Variants in GON7 observed in about 807,000 individuals in gnomAD.
GON7 encodes GON7 subunit of KEOPS complex.
GON7 carries 2 observed loss-of-function variants against 7.6 expected under a neutral mutation model. The observed-to-expected ratio is 0.26, with a 90% CI of 0.11 to 0.83. The LOEUF (loss-of-function observed/expected upper bound fraction) is 0.83, where lower values mean the gene tolerates loss of function less well. Among genes scored for constraint, GON7 ranks in the 40% least tolerant of loss-of-function variants. The pLI, the probability that GON7 is intolerant of heterozygous loss-of-function variation, is 0.65. For synonymous variants in GON7, 54 were observed against 56.6 expected, an observed-to-expected ratio of 0.95 and a Z score of 0.20; for missense variants, 121 against 132.2, an observed-to-expected ratio of 0.92 and a Z score of 0.42.
rs377038078 is a variant in GON7 at position 93,207,062 on chromosome 14, C to T, written c.-25G>A. On this transcript the variant is annotated 5_prime_UTR_variant, in exon 1 of 2. It adds an upstream start codon to the 5' untranslated region. Transcript: ENST00000306954. ...TGGTGACCGCTAAGCTTCCAGAACA[C>T]GACACCGGGAAGCGCCACCCGGAGG... 5 of 1,611,744 alleles carry T rather than the reference C, an allele frequency of 3.1e-6. No homozygotes were observed. The highest frequency in any genetic ancestry group is 1.7e-6 in the Non-Finnish European group (2 of 1,179,454).
At chr14:93,204,676 C>G (rs1310206252) in intron 1 of GON7, among the ~76,000 whole-genome samples, 1 of 152,154 alleles carries the variant, frequency 6.6e-6, no homozygotes, top group Non-Finnish European at 1.5e-5. Context: ...GTGTCTGGCT[C>G]TCACTTAGCA....
In GON7 at chr14:93,206,854, C is replaced by T. The variant is rs1264113826; in HGVS notation, c.184G>A (p.Ala62Thr). 6.2e-7 allele frequency: 1 copy of T among 1,614,110 alleles called. No individual in the cohort carries two copies. The highest frequency in any genetic ancestry group is 2.2e-5 in the East Asian group (1 of 44,878). The change falls in exon 1 of 2, where the codon GCG becomes ACG. Residue 62 changes from alanine to threonine, a missense_variant. Transcript: ENST00000306954. ...VQGEVQHRVAAAPDEDLDGDD... is the reference protein window; with the variant it reads ...VQGEVQHRVATAPDEDLDGDD... ...CCGTCCAAGTCCTCGTCTGGAGCCGCCGCCACCCGGTGCTGCACTTCCCCC... is the reference window on the plus strand; with the variant it reads ...CCGTCCAAGTCCTCGTCTGGAGCCGTCGCCACCCGGTGCTGCACTTCCCCC...
chr14:93,204,308 T>G (rs780260851), intron 1 of GON7, among the ~76,000 whole-genome samples: 1 of 152,230 alleles, frequency 6.6e-6, no homozygotes, highest in Non-Finnish European at 1.5e-5. Flanking sequence ...TCCACTCTTT[T>G]AAAAAGTGTA....
chr14:93,206,683 T>A (rs1894351728), intron 1 of GON7, 147 bp downstream of exon 1: 1 of 843,074 alleles, frequency 1.2e-6, no homozygotes, highest in Non-Finnish European at 1.8e-6. Context: ...CCACTTCGCC[T>A]AGCCCGCCAA....
chr14:93,206,905 T>C lies in GON7; in HGVS notation c.133A>G (p.Thr45Ala). Residue 45 changes from threonine (T) to alanine (A), a missense_variant, in exon 1 of 2, where the codon ACG becomes GCG. Transcript: ENST00000306954. ...SGVAQMKDMV[T>A]ELFDPLVQGE... Reference sequence around the variant, plus strand: ...TGTACCAGAGGGTCGAATAATTCCGTTACCATGTCCTTCATCTGGGCCACG... The same window carrying C: ...TGTACCAGAGGGTCGAATAATTCCGCTACCATGTCCTTCATCTGGGCCACG... The C allele has an allele frequency of 6.2e-7, 1 of 1,614,158 alleles. No homozygotes were observed. Among genetic ancestry groups the C allele is most frequent in the African/African-American group, 1.3e-5 (1 of 75,038 alleles).
At chr14:93,204,763 G>A (rs1894310137) in intron 1 of GON7, among the ~76,000 whole-genome samples, 1 of 152,152 alleles carries the variant, frequency 6.6e-6, no homozygotes, top group Non-Finnish European at 1.5e-5. Context: ...ATAGTCCATT[G>A]TATGGATATA....
chr14:93,205,034 G>GTA, intron 1 of GON7, among the ~76,000 whole-genome samples: 1 of 152,288 alleles, frequency 6.6e-6, no homozygotes, highest in East Asian at 1.9e-4. Flanking sequence ...ACATTCATGC[G>GTA]TAAGTTTTTG....
At position 93,203,066 on chromosome 14, in the gene GON7, A is replaced by C. The variant is rs1038150453; in HGVS notation, c.*622T>G. ...ATATCACAGCACAAAAACATACCCC[A>C]TCTGGCTCTCTTAAGGTACATGATA... On this transcript the variant is annotated 3_prime_UTR_variant, in exon 2 of 2. Transcript: ENST00000306954. 1 of 152,192 alleles carries C rather than the reference A, an allele frequency of 6.6e-6. No homozygotes were observed. The highest frequency in any genetic ancestry group is 6.5e-5 in the Admixed American group (1 of 15,270). The allele number at this position is 152,192 out of a possible 1,614,324, so 9.4% of individuals were successfully genotyped here.
At position 93,203,765 on chromosome 14, in the gene GON7, C is replaced by G. The variant is rs779654694; in HGVS notation, c.226G>C (p.Ala76Pro). 27 of 1,612,756 alleles carry G rather than the reference C, an allele frequency of 1.7e-5. No homozygotes were observed. Among genetic ancestry groups the G allele is most frequent in the Non-Finnish European group, 2.2e-5 (26 of 1,179,130 alleles). Residue 76 changes from alanine to proline, a missense_variant, in exon 2 of 2, where the codon GCA becomes CCA. By Grantham distance (27) the Ala-to-Pro change is conservative (BLOSUM62 -1). Coordinates refer to ENST00000306954, the MANE Select transcript of GON7 (RefSeq NM_032490.5). ...EDLDGDDEDD[A>P]EDENNIDNRT... ...TTATCAATGTTATTTTCATCTTCTG[C>G]ATCATCTTCATCATCACCTTTTAAA...
chr14:93,204,473 G>C lies in GON7; in HGVS notation c.209-691C>G, dbSNP rs117898704. Among the ~76,000 whole-genome samples the C allele has an allele frequency of 1.7e-3, 252 of 152,142 alleles. 7 individuals carry two copies. In the East Asian group the frequency reaches 0.035, roughly 21 times the overall value. The stretch of plus-strand genomic sequence containing the variant: ...AATCTACTTTTTTTCCCCCTTATTA[G>C]AGATAGGGTCTTGCTATGTTGCCCA... On this transcript the variant is annotated intron_variant, in intron 1 of 1. Coordinates refer to ENST00000306954, the MANE Select transcript of GON7 (RefSeq NM_032490.5).
In GON7 at chr14:93,203,428, C is replaced by A. The variant is rs534536616; in HGVS notation, c.*260G>T. On this transcript the variant is annotated 3_prime_UTR_variant, in exon 2 of 2. Coordinates refer to ENST00000306954, the MANE Select transcript of GON7 (RefSeq NM_032490.5). ...AAAACAATGATAAAAATTCAGTTGC[C>A]AACTTAGAGGATTTTATACATTATG... The A allele has an allele frequency of 1.5e-3, 586 of 384,354 alleles. No homozygotes were observed. Among genetic ancestry groups the A allele is most frequent in the Non-Finnish European group, 1.3e-3 (275 of 215,696 alleles). The allele number at this position is 384,354 out of a possible 1,614,324, so 23.8% of individuals were successfully genotyped here.
rs377038078 is a variant in GON7, at chr14:93,207,062, C to G, written c.-25G>C. 5.0e-6 allele frequency: 8 copies of G among 1,611,626 alleles called. No individual in the cohort carries two copies. The highest frequency in any genetic ancestry group is 6.8e-6 in the Non-Finnish European group (8 of 1,179,462). On this transcript the variant is annotated 5_prime_UTR_variant, in exon 1 of 2. Coordinates refer to ENST00000306954, the MANE Select transcript of GON7 (RefSeq NM_032490.5). ...TGGTGACCGCTAAGCTTCCAGAACACGACACCGGGAAGCGCCACCCGGAGG... is the reference window on the plus strand; with the variant it reads ...TGGTGACCGCTAAGCTTCCAGAACAGGACACCGGGAAGCGCCACCCGGAGG...
At chr14:93,204,299 CCACTCTT>C (rs1894301233) in intron 1 of GON7, among the ~76,000 whole-genome samples, 1 of 152,048 alleles carries the variant, frequency 6.6e-6, no homozygotes, top group South Asian at 2.1e-4. Flanking sequence ...TGGCCAAAAT[CCACTCTT>C]TTAAAAAGTG....
At chr14:93,204,863 G>C (rs926968832) in intron 1 of GON7, among the ~76,000 whole-genome samples, 1 of 151,888 alleles carries the variant, frequency 6.6e-6, no homozygotes, top group Non-Finnish European at 1.5e-5. Flanking sequence ...AAGAGATGAG[G>C]CCTCACTCTG....
intron 1 of GON7, 148 bp downstream of exon 1, chr14:93,206,682 C>G: frequency 1.2e-6 from 1 of 839,162 alleles, no homozygotes. Flanking sequence ...CCCACTTCGC[C>G]TAGCCCGCCA....
chr14:93,205,384 G>A (rs1894318872), intron 1 of GON7, among the ~76,000 whole-genome samples: 2 of 152,104 alleles, frequency 1.3e-5, no homozygotes, highest in African/African-American at 4.8e-5. Flanking sequence ...AAATGTACCT[G>A]CCTGGCCAGG....
chr14:93,204,237 G>A (rs1370934434), intron 1 of GON7, among the ~76,000 whole-genome samples: 3 of 151,998 alleles, frequency 2.0e-5, no homozygotes, highest in Non-Finnish European at 4.4e-5. Context: ...CTCGTGATCC[G>A]CCCGCCTCGG....
intron 1 of GON7, 145 bp downstream of exon 1, chr14:93,206,685 G>C (rs2140094746): frequency 3.5e-6 from 3 of 864,808 alleles, no homozygotes; most frequent in Non-Finnish European, 3.5e-6. Context: ...ACTTCGCCTA[G>C]CCCGCCAAAA....
intron 1 of GON7, among the ~76,000 whole-genome samples, chr14:93,204,152 C>T (rs561876674): frequency 3.3e-5 from 5 of 152,238 alleles, no homozygotes; most frequent in South Asian, 4.1e-4. Flanking sequence ...CGCGCTACCA[C>T]GCCCGGCTAA....
Sources: allele counts gnomAD v4.1 joint callset (sites outside exome capture counted in the v4.1 genomes callset), GRCh38; gene constraint gnomAD v4.1.1; transcripts MANE v1.5; gene names NCBI Gene and HGNC (gene_info 2026-07-23, HGNC 2026-07-21).